Variants in SLC9A9 observed in about 807,000 individuals in gnomAD.
SLC9A9 encodes solute carrier family 9 member A9.
In SLC9A9, 62 loss-of-function variants were observed where a neutral mutation model predicts 77.8. The ratio of observed to expected loss-of-function variants is 0.80; its 90% CI spans 0.65 to 0.98. SLC9A9 has a LOEUF of 0.98. Ranked by LOEUF, SLC9A9 falls within the 50% of genes least tolerant of loss-of-function variation. The pLI is 0.00. For missense variants in SLC9A9, 775 were observed against 774.9 expected, an observed-to-expected ratio of 1.00 and a Z score of 0.00; for synonymous variants, 320 against 283.5, an observed-to-expected ratio of 1.13 and a Z score of -1.29.
At chr3:143,742,211 T>G (rs1839040) in intron 4 of SLC9A9, among the ~76,000 whole-genome samples, 3 of 151,956 alleles carry the variant, frequency 2.0e-5, no homozygotes, top group African/African-American at 7.3e-5. Flanking sequence ...AAGAAGACAG[T>G]TCGAACTCCC....
chr3:143,729,579 C>A (rs936257754), intron 4 of SLC9A9, among the ~76,000 whole-genome samples: 2 of 152,064 alleles, frequency 1.3e-5, no homozygotes, highest in African/African-American at 4.8e-5. Context: ...ATACAGGAGA[C>A]AAAGCAAATA....
At chr3:143,469,084 T>C (rs1379096922) in intron 11 of SLC9A9, among the ~76,000 whole-genome samples, 2 of 152,230 alleles carry the variant, frequency 1.3e-5, no homozygotes, top group East Asian at 1.9e-4. Flanking sequence ...TGCTTGAACC[T>C]GGGAGGTGGA....
chr3:143,820,029 G>A (rs2009125985), intron 2 of SLC9A9, among the ~76,000 whole-genome samples: 1 of 152,186 alleles, frequency 6.6e-6, no homozygotes, highest in Non-Finnish European at 1.5e-5. Context: ...ACAATAGCAA[G>A]TAACACTTAA....
chr3:143,528,928 A>C (rs967620028), intron 9 of SLC9A9, among the ~76,000 whole-genome samples: 1 of 152,210 alleles, frequency 6.6e-6, no homozygotes, highest in African/African-American at 2.4e-5. Context: ...AGTTAAGAGG[A>C]CCAACAATAT....
At chr3:143,569,887 T>A (rs2037231196) in intron 8 of SLC9A9, among the ~76,000 whole-genome samples, 1 of 151,200 alleles carries the variant, frequency 6.6e-6, no homozygotes. Flanking sequence ...CATAGCTCAT[T>A]GCAGTCTTGA....
rs371221229 is a variant in SLC9A9 at position 143,467,062 on chromosome 3, G to T, written c.1444C>A (p.Pro482Thr). The change falls in exon 12 of 16, where the codon CCC becomes ACC. Residue 482 changes from proline (P) to threonine (T), a missense_variant. Physicochemically the swap from Pro to Thr is conservative, Grantham distance 38. Transcript: ENST00000316549. ...TVWVFGGGTT[P>T]MLTWLQIRVG... Reference sequence around the variant, plus strand: ...CTGATCTGAAGCCAAGTCAACATGGGGGTTGTTCCTCCTCCAAATACCCAG... The same window carrying T: ...CTGATCTGAAGCCAAGTCAACATGGTGGTTGTTCCTCCTCCAAATACCCAG... The T allele has an allele frequency of 2.5e-6, 4 of 1,613,808 alleles. No homozygotes were observed.
intron 12 of SLC9A9, among the ~76,000 whole-genome samples, chr3:143,450,814 G>A (rs1455888305): frequency 6.6e-6 from 1 of 152,202 alleles, no homozygotes; most frequent in Non-Finnish European, 1.5e-5. Flanking sequence ...CATAGCCAGA[G>A]GGGTAGGTGA....
intron 14 of SLC9A9, among the ~76,000 whole-genome samples, chr3:143,289,085 C>T (rs982613709): frequency 6.6e-6 from 1 of 152,168 alleles, no homozygotes; most frequent in African/African-American, 2.4e-5. Context: ...TGAGGCAGGA[C>T]TGAGACCACC....
At chr3:143,778,037 CAA>C (rs748982877) in intron 4 of SLC9A9, among the ~76,000 whole-genome samples, 11 of 75,554 alleles carry the variant, frequency 1.5e-4, no homozygotes, top group Admixed American at 2.0e-4. Context: ...TTATAAAATG[CAA>C]AAAAAAAAAA....
chr3:143,291,973 G>A (rs1027971020), intron 14 of SLC9A9, among the ~76,000 whole-genome samples: 2 of 152,194 alleles, frequency 1.3e-5, no homozygotes, highest in Non-Finnish European at 2.9e-5. Flanking sequence ...AAGCCAGTGG[G>A]GATGGGCCCG....
chr3:143,706,695 A>G (rs1165960680), intron 4 of SLC9A9, among the ~76,000 whole-genome samples: 1 of 152,194 alleles, frequency 6.6e-6, no homozygotes, highest in Admixed American at 6.5e-5. Flanking sequence ...GGAGGGAGAC[A>G]GGCTTTAGAG....
chr3:143,747,586 A>C (rs138059010), intron 4 of SLC9A9, among the ~76,000 whole-genome samples: 413 of 152,252 alleles, frequency 2.7e-3, no homozygotes, highest in African/African-American at 9.6e-3. Context: ...AGGTGAAGCA[A>C]AGAGGGATTT....
chr3:143,697,110 A>G (rs2108785715), intron 4 of SLC9A9, among the ~76,000 whole-genome samples: 1 of 151,884 alleles, frequency 6.6e-6, no homozygotes, highest in East Asian at 1.9e-4. Flanking sequence ...ACAGACTAAC[A>G]TGCAACTATT....
At chr3:143,278,352 C>G (rs1261693866) in intron 14 of SLC9A9, among the ~76,000 whole-genome samples, 1 of 152,150 alleles carries the variant, frequency 6.6e-6, no homozygotes, top group Non-Finnish European at 1.5e-5. Flanking sequence ...AGCTTTATGC[C>G]TAGATTTTTC....
intron 12 of SLC9A9, among the ~76,000 whole-genome samples, chr3:143,463,821 C>G (rs575672045): frequency 1.3e-5 from 2 of 152,262 alleles, no homozygotes; most frequent in South Asian, 2.1e-4. Context: ...AAGACTCAAT[C>G]AATGGAAAAT....
At chr3:143,516,447 A>G (rs2108609778) in intron 9 of SLC9A9, among the ~76,000 whole-genome samples, 1 of 152,182 alleles carries the variant, frequency 6.6e-6, no homozygotes, top group Admixed American at 6.5e-5. Flanking sequence ...AACTCGTTAA[A>G]TTTAAGTCTC....
intron 2 of SLC9A9, among the ~76,000 whole-genome samples, chr3:143,799,930 G>A (rs1170654263): frequency 6.6e-6 from 1 of 152,116 alleles, no homozygotes; most frequent in Non-Finnish European, 1.5e-5. Context: ...TAACTGTTGT[G>A]GGTATTGATG....
intron 13 of SLC9A9, among the ~76,000 whole-genome samples, chr3:143,374,343 TG>T (rs2033126982): frequency 1.4e-5 from 2 of 140,958 alleles, no homozygotes; most frequent in African/African-American, 2.7e-5. Context: ...GAGAATGGCG[TG>T]AACCCGGGAG....
intron 6 of SLC9A9, among the ~76,000 whole-genome samples, chr3:143,623,769 C>A (rs1477978194): frequency 5.9e-5 from 9 of 152,018 alleles, no homozygotes; most frequent in Non-Finnish European, 1.2e-4. Flanking sequence ...AAGATCAGAG[C>A]AGAACTGAAG....
Sources: gnomAD v4.1 joint callset for allele counts (sites outside exome capture counted in the v4.1 genomes callset) on GRCh38, gnomAD v4.1.1 for gene constraint, MANE v1.5 for transcripts, NCBI Gene and HGNC (gene_info 2026-07-23, HGNC 2026-07-21) for gene names.